The following DACH1 variants were observed in gnomAD, a reference collection of about 807,000 sequenced individuals.
DACH1 encodes dachshund homolog 1.
Under a neutral mutation model 54.2 loss-of-function variants are expected in DACH1, and 12 were observed. That is an observed-to-expected ratio of 0.22 (90% confidence interval 0.14 to 0.36). The LOEUF (loss-of-function observed/expected upper bound fraction) is 0.36. DACH1 is among the 10% of genes least tolerant of loss of function. The pLI, the probability that DACH1 is intolerant of heterozygous loss-of-function variation, is 1.00. For synonymous variants in DACH1, 386 were observed against 366.2 expected (o/e 1.05, Z -0.62); for missense variants, 805 against 929.8 (o/e 0.87, Z 1.75).
chr13:71,600,082 T>C (rs1874386786), intron 3 of DACH1, among the ~76,000 whole-genome samples: 1 of 152,132 alleles, frequency 6.6e-6, no homozygotes, highest in Non-Finnish European at 1.5e-5. Context: ...AGAGGAACTA[T>C]AATTGTTTAT....
intron 1 of DACH1, among the ~76,000 whole-genome samples, chr13:71,777,952 A>G (rs1470403583): frequency 6.6e-6 from 1 of 151,976 alleles, no homozygotes; most frequent in Non-Finnish European, 1.5e-5. Flanking sequence ...CCTCATCTCT[A>G]CAAAAAATAC....
At chr13:71,512,143 C>T (rs759435734) in intron 6 of DACH1, among the ~76,000 whole-genome samples, 1 of 152,034 alleles carries the variant, frequency 6.6e-6, no homozygotes, top group East Asian at 1.9e-4. Flanking sequence ...CAAGCATCCC[C>T]TAATGCATTC....
At chr13:71,784,224 T>C (rs1290500362) in intron 1 of DACH1, among the ~76,000 whole-genome samples, 2 of 152,120 alleles carry the variant, frequency 1.3e-5, no homozygotes, top group Non-Finnish European at 2.9e-5. Context: ...AGTTTTAAGA[T>C]GTTTTCTAAC....
chr13:71,811,726 T>C (rs1216208470), intron 1 of DACH1, among the ~76,000 whole-genome samples: 1 of 152,230 alleles, frequency 6.6e-6, no homozygotes, highest in Non-Finnish European at 1.5e-5. Flanking sequence ...TGAAGGTAAC[T>C]GGAGCATCCT....
At chr13:71,519,123 T>A (rs1461498045) in intron 6 of DACH1, among the ~76,000 whole-genome samples, 2 of 151,734 alleles carry the variant, frequency 1.3e-5, no homozygotes, top group African/African-American at 4.8e-5. Context: ...TAGAAAAAAA[T>A]TGCTGGATTC....
intron 7 of DACH1, among the ~76,000 whole-genome samples, chr13:71,486,585 ATATG>A (rs1270462281): frequency 6.6e-6 from 1 of 152,162 alleles, no homozygotes; most frequent in Non-Finnish European, 1.5e-5. Context: ...GTGTGTTTGT[ATATG>A]TATGTGTGTG....
At chr13:71,621,784 T>C (rs1025511420) in intron 3 of DACH1, among the ~76,000 whole-genome samples, 1 of 152,066 alleles carries the variant, frequency 6.6e-6, no homozygotes, top group Non-Finnish European at 1.5e-5. Flanking sequence ...CTAACAGATC[T>C]GCCCTTTGTG....
intron 1 of DACH1, among the ~76,000 whole-genome samples, chr13:71,695,251 C>T (rs1397192165): frequency 6.6e-6 from 1 of 152,170 alleles, no homozygotes; most frequent in Non-Finnish European, 1.5e-5. Flanking sequence ...GATCTGATGA[C>T]TCACTTCAAA....
At chr13:71,544,369 A>G (rs1239059549) in intron 6 of DACH1, among the ~76,000 whole-genome samples, 1 of 152,160 alleles carries the variant, frequency 6.6e-6, no homozygotes, top group Non-Finnish European at 1.5e-5. Context: ...ACTTCTCAGT[A>G]TGGTTTGAAA....
intron 1 of DACH1, among the ~76,000 whole-genome samples, chr13:71,746,178 A>G (rs1044563326): frequency 6.6e-6 from 1 of 152,200 alleles, no homozygotes. Context: ...AGATTGCGCC[A>G]CTGCACTCCA....
chr13:71,564,829 T>C (rs1884807279), intron 4 of DACH1, among the ~76,000 whole-genome samples: 1 of 152,212 alleles, frequency 6.6e-6, no homozygotes, highest in African/African-American at 2.4e-5. Context: ...TGCTCTCCTT[T>C]TAATTCTCTT....
At chr13:71,497,891 CACACA>C (rs1879576154) in intron 6 of DACH1, among the ~76,000 whole-genome samples, 2 of 145,644 alleles carry the variant, frequency 1.4e-5, no homozygotes, top group Non-Finnish European at 3.0e-5. Context: ...CACACACACA[CACACA>C]CACACAGATA....
chr13:71,634,058 C>T (rs1055012915), intron 2 of DACH1, among the ~76,000 whole-genome samples: 2 of 151,682 alleles, frequency 1.3e-5, no homozygotes, highest in Non-Finnish European at 2.9e-5. Context: ...CTCCAACCTC[C>T]GCCTCCAGGG....
chr13:71,495,940 A>T (rs762843614), intron 6 of DACH1, among the ~76,000 whole-genome samples: 3 of 152,090 alleles, frequency 2.0e-5, no homozygotes, highest in Non-Finnish European at 4.4e-5. Flanking sequence ...TGGATTAAAA[A>T]ATGTGATACA....
At chr13:71,448,923 C>G (rs779455813) in intron 10 of DACH1, among the ~76,000 whole-genome samples, 3 of 150,490 alleles carry the variant, frequency 2.0e-5, no homozygotes, top group Non-Finnish European at 2.9e-5. Context: ...CTCATATCCT[C>G]TTTATATGCT....
chr13:71,789,635 C>G (rs574144361), intron 1 of DACH1, among the ~76,000 whole-genome samples: 28 of 152,080 alleles, frequency 1.8e-4, no homozygotes, highest in Non-Finnish European at 3.5e-4. Flanking sequence ...CTGTTGCACA[C>G]TACACGCTAA....
intron 10 of DACH1, 117 bp from the exon 11 acceptor site, chr13:71,440,809 T>A (rs1873947059): frequency 1.4e-6 from 1 of 738,470 alleles, no homozygotes. Flanking sequence ...TTTACTTGGT[T>A]AAGAAGTAAC....
intron 1 of DACH1, among the ~76,000 whole-genome samples, chr13:71,795,956 T>G (rs1887029168): frequency 6.6e-6 from 1 of 152,062 alleles, no homozygotes; most frequent in Admixed American, 6.6e-5. Context: ...TTACGAAAAA[T>G]ATATCTAAGA....
intron 1 of DACH1, among the ~76,000 whole-genome samples, chr13:71,793,912 C>T (rs868821775): frequency 5.9e-5 from 9 of 152,270 alleles, no homozygotes; most frequent in Admixed American, 2.6e-4. Flanking sequence ...AGTAGGAGGG[C>T]GAGCTGGAGC....
Sources: gnomAD v4.1 joint callset for allele counts (sites outside exome capture counted in the v4.1 genomes callset) on GRCh38, gnomAD v4.1.1 for gene constraint, MANE v1.5 for transcripts, NCBI Gene and HGNC (gene_info 2026-07-23, HGNC 2026-07-21) for gene names.